The following GMDS variants were observed in gnomAD, a reference collection of about 807,000 sequenced individuals.
GMDS encodes GDP-mannose 4,6-dehydratase.
In GMDS, 20 loss-of-function variants were observed where a neutral mutation model predicts 49.9. The observed-to-expected ratio is 0.40, with a 90% CI of 0.28 to 0.58. The LOEUF (loss-of-function observed/expected upper bound fraction) is 0.58. Among genes scored for constraint, GMDS ranks in the 20% least tolerant of loss-of-function variants. GMDS has a pLI of 0.42. For missense variants in GMDS, 362 were observed against 481.4 expected (o/e 0.75, Z 2.32); for synonymous variants, 177 against 178.6 (o/e 0.99, Z 0.07).
chr6:1,811,573 T>TC (rs67545665), intron 7 of GMDS, among the ~76,000 whole-genome samples: 86 of 150,262 alleles, frequency 5.7e-4, no homozygotes, highest in African/African-American at 1.9e-3. Flanking sequence ...TTTTTTTTTT[T>TC]CAACTGAAGC....
intron 1 of GMDS, among the ~76,000 whole-genome samples, chr6:2,133,330 A>G (rs1299880796): frequency 1.3e-5 from 2 of 152,220 alleles, no homozygotes; most frequent in Non-Finnish European, 2.9e-5. Flanking sequence ...AGGCAAAACA[A>G]ATGTCCTTTT....
At position 2,141,658 on chromosome 6, in the gene GMDS, G is replaced by A. The variant is rs569492905; in HGVS notation, c.103-16927C>T. Among the ~76,000 whole-genome samples, 371 of 152,254 alleles carry A rather than the reference G, an allele frequency of 2.4e-3. 2 individuals carry two copies. The highest frequency in any genetic ancestry group is 8.6e-3 in the African/African-American group (356 of 41,548). On this transcript the variant is annotated intron_variant, in intron 1 of 10. Transcript: ENST00000380815. ...GCCGTTTAAAAACTTCACTTGAACTGACAGCAGGTCCCCCATTTTGGGAAG... is the reference window on the plus strand; with the variant it reads ...GCCGTTTAAAAACTTCACTTGAACTAACAGCAGGTCCCCCATTTTGGGAAG...
At chr6:2,022,879 G>A (rs997222888) in intron 4 of GMDS, among the ~76,000 whole-genome samples, 2 of 152,166 alleles carry the variant, frequency 1.3e-5, no homozygotes, top group Non-Finnish European at 2.9e-5. Context: ...TAAGCCCTCT[G>A]TCTGAGGAAT....
At chr6:1,696,839 A>T (rs918077062) in intron 9 of GMDS, among the ~76,000 whole-genome samples, 1 of 152,244 alleles carries the variant, frequency 6.6e-6, no homozygotes, top group Admixed American at 6.5e-5. Context: ...ATGGATGAAG[A>T]GCCTCAGATT....
At chr6:1,892,144 G>A (rs1172480107) in intron 7 of GMDS, among the ~76,000 whole-genome samples, 1 of 151,956 alleles carries the variant, frequency 6.6e-6, no homozygotes, top group Non-Finnish European at 1.5e-5. Context: ...TATTATTAAA[G>A]TATGTTCCTA....
At chr6:1,688,511 C>T (rs745744865) in intron 9 of GMDS, among the ~76,000 whole-genome samples, 1 of 152,220 alleles carries the variant, frequency 6.6e-6, no homozygotes, top group Non-Finnish European at 1.5e-5. Flanking sequence ...TTCTACATTA[C>T]ATCCTCTCCG....
At chr6:1,940,552 A>T (rs1231488131) in intron 6 of GMDS, among the ~76,000 whole-genome samples, 1 of 152,232 alleles carries the variant, frequency 6.6e-6, no homozygotes, top group Admixed American at 6.5e-5. Flanking sequence ...GACTGAGATC[A>T]GAGAGATCAT....
intron 7 of GMDS, among the ~76,000 whole-genome samples, chr6:1,821,602 AATTT>A (rs1770897253): frequency 7.6e-6 from 1 of 132,134 alleles, no homozygotes. Context: ...AGCTGCTAAC[AATTT>A]ATTTGTTTTT....
chr6:1,928,833 G>A (rs1762149647), intron 7 of GMDS, among the ~76,000 whole-genome samples: 1 of 152,112 alleles, frequency 6.6e-6, no homozygotes. Context: ...GTCGGGTGTG[G>A]TGGCGCATGC....
chr6:2,065,723 A>G (rs980767130), intron 4 of GMDS, among the ~76,000 whole-genome samples: 3 of 152,154 alleles, frequency 2.0e-5, no homozygotes, highest in Non-Finnish European at 4.4e-5. Flanking sequence ...TTTAGAGAAA[A>G]AAGAATAAAA....
chr6:2,072,193 C>T (rs1772053810), intron 4 of GMDS, among the ~76,000 whole-genome samples: 1 of 152,106 alleles, frequency 6.6e-6, no homozygotes, highest in Non-Finnish European at 1.5e-5. Context: ...TGCCTTAGAA[C>T]AAAGCCACTA....
intron 9 of GMDS, among the ~76,000 whole-genome samples, chr6:1,627,440 G>GAA (rs1762877708): frequency 6.6e-6 from 1 of 152,124 alleles, no homozygotes; most frequent in Non-Finnish European, 1.5e-5. Context: ...CTCATACAAC[G>GAA]GGGTCCAAAC....
rs181017047 is a variant in GMDS at position 2,173,487 on chromosome 6, G to A, written c.103-48756C>T. Among the ~76,000 whole-genome samples the A allele has an allele frequency of 8.5e-5, 13 of 152,294 alleles. No homozygotes were observed. In the East Asian group the frequency reaches 1.7e-3, roughly 20 times the overall value. On this transcript the variant is annotated intron_variant, in intron 1 of 10. Coordinates refer to ENST00000380815, the MANE Select transcript of GMDS (RefSeq NM_001500.4). ...AGGGCAGCAAGGCAGAGAAAGTCAC[G>A]GATTTAGAAGGGTTCAAAAGTAGAG... is the stretch of plus-strand genomic sequence containing the variant.
intron 4 of GMDS, among the ~76,000 whole-genome samples, chr6:2,067,531 GA>G (rs1219129310): frequency 2.0e-5 from 3 of 151,494 alleles, no homozygotes; most frequent in South Asian, 2.1e-4. Context: ...GACTAATAAA[GA>G]AAAAAAGAGA....
chr6:1,799,785 T>A (rs576235052), intron 7 of GMDS, among the ~76,000 whole-genome samples: 2 of 152,314 alleles, frequency 1.3e-5, no homozygotes, highest in African/African-American at 4.8e-5. Flanking sequence ...GGTTACAGCC[T>A]ACGAAACAAA....
At chr6:1,843,781 A>G (rs1278394721) in intron 7 of GMDS, among the ~76,000 whole-genome samples, 2 of 152,224 alleles carry the variant, frequency 1.3e-5, no homozygotes, top group South Asian at 2.1e-4. Flanking sequence ...ATAAATAAAT[A>G]AATGCATGCA....
chr6:2,172,410 T>C (rs888474197), intron 1 of GMDS, among the ~76,000 whole-genome samples: 2 of 152,174 alleles, frequency 1.3e-5, no homozygotes, highest in African/African-American at 2.4e-5. Context: ...AGAATTGATA[T>C]GGCCGGGCGC....
At chr6:1,653,707 A>G (rs892672389) in intron 9 of GMDS, among the ~76,000 whole-genome samples, 9 of 152,240 alleles carry the variant, frequency 5.9e-5, no homozygotes, top group Admixed American at 4.6e-4. Context: ...GGGAAAGAAC[A>G]GTCTCTTCAA....
At chr6:1,770,826 T>C (rs1231075592) in intron 7 of GMDS, among the ~76,000 whole-genome samples, 1 of 152,174 alleles carries the variant, frequency 6.6e-6, no homozygotes, top group African/African-American at 2.4e-5. Context: ...CAGTCAACTG[T>C]TCTGAAAAGG....
Sources: allele counts gnomAD v4.1 joint callset (sites outside exome capture counted in the v4.1 genomes callset), GRCh38; gene constraint gnomAD v4.1.1; transcripts MANE v1.5; gene names NCBI Gene and HGNC (gene_info 2026-07-23, HGNC 2026-07-21).